Variants in FGFR2 observed in about 807,000 individuals in gnomAD.
FGFR2 encodes BEK fibroblast growth factor receptor.
FGFR2 carries 19 observed loss-of-function variants against 95.9 expected under a neutral mutation model. The observed-to-expected ratio is 0.20, with a 90% confidence interval of 0.14 to 0.29. The LOEUF (loss-of-function observed/expected upper bound fraction) is 0.29. Ranked by LOEUF, FGFR2 falls within the 10% of genes least tolerant of loss-of-function variation. The pLI, the probability that FGFR2 is intolerant of heterozygous loss-of-function variation, is 1.00. For missense variants in FGFR2, 707 were observed against 1,056.9 expected (o/e 0.67, Z 4.59); for synonymous variants, 392 against 393.3 (o/e 1.00, Z 0.04).
At position 121,538,641 on chromosome 10, in the gene FGFR2, C is replaced by T. The variant is rs748983200; in HGVS notation, c.699G>A (p.Val233=). ...GATTGATGGACCCGTATTCATTCTC[C>T]ACTACACAGGTATAATTTCCCTTGT... ...PSDKGNYTCV[V]ENEYGSINHT... The change falls in exon 6 of 18, where the codon GTG becomes GTA. Residue 233 remains valine (V), a synonymous_variant. Coordinates refer to ENST00000358487, the MANE Select transcript of FGFR2 (RefSeq NM_000141.5). The T allele has an allele frequency of 6.2e-7, 1 of 1,614,154 alleles. No individual in the cohort carries two copies. The highest frequency in any genetic ancestry group is 8.5e-7 in the Non-Finnish European group (1 of 1,180,010).
chr10:121,576,932 C>T (rs1014032391), intron 2 of FGFR2, among the ~76,000 whole-genome samples: 8 of 150,702 alleles, frequency 5.3e-5, no homozygotes, highest in African/African-American at 2.0e-4. Flanking sequence ...GTCAGGAGTT[C>T]GAGACCAGCC....
At chr10:121,556,396 A>ACTCTCTCACTCT (rs1856140867) in intron 4 of FGFR2, among the ~76,000 whole-genome samples, 1 of 128,140 alleles carries the variant, frequency 7.8e-6, no homozygotes, top group South Asian at 2.6e-4. Flanking sequence ...TTTATAATCT[A>ACTCTCTCACTCT]CTCTCTCTCT....
intron 6 of FGFR2, among the ~76,000 whole-genome samples, chr10:121,537,479 A>C (rs1853019671): frequency 6.6e-6 from 1 of 152,212 alleles, no homozygotes; most frequent in Non-Finnish European, 1.5e-5. Context: ...CTTTTTGGGC[A>C]ATTCCAATAT....
At chr10:121,551,948 T>G (rs1051604180) in intron 4 of FGFR2, among the ~76,000 whole-genome samples, 1 of 152,112 alleles carries the variant, frequency 6.6e-6, no homozygotes, top group Non-Finnish European at 1.5e-5. Flanking sequence ...ATAGTATAAA[T>G]TGTCATTCTA....
chr10:121,481,274 A>G (rs566033335), intron 17 of FGFR2, among the ~76,000 whole-genome samples: 1 of 152,248 alleles, frequency 6.6e-6, no homozygotes, highest in African/African-American at 2.4e-5. Flanking sequence ...GCCAACAACT[A>G]TTCTATGACA....
In FGFR2 at chr10:121,565,664, G is replaced by A. The variant is rs376622125; in HGVS notation, c.150C>T (p.Tyr50=). The A allele has an allele frequency of 1.8e-5, 29 of 1,614,208 alleles. No homozygotes were observed. Among genetic ancestry groups the A allele is most frequent in the African/African-American group, 2.7e-5 (2 of 75,052 alleles). ...TKYQISQPEV[Y]VAAPGESLEV... ...CTAGCGACTCCCCTGGCGCAGCCAC[G>A]TACACTTCTGGTTGAGAGATTTGGT... The change falls in exon 3 of 18, where the codon TAC becomes TAT. Residue 50 remains tyrosine, a synonymous_variant. Coordinates refer to ENST00000358487, the MANE Select transcript of FGFR2 (RefSeq NM_000141.5).
chr10:121,572,726 C>A (rs576259100), intron 2 of FGFR2, among the ~76,000 whole-genome samples: 2 of 152,186 alleles, frequency 1.3e-5, no homozygotes, highest in Admixed American at 1.3e-4. Context: ...CCTAAGAAAA[C>A]CATCCTGTTA....
intron 4 of FGFR2, among the ~76,000 whole-genome samples, chr10:121,555,106 G>GCTCC (rs977749473): frequency 6.6e-6 from 1 of 152,178 alleles, no homozygotes; most frequent in African/African-American, 2.4e-5. Context: ...AGGCGCGGTG[G>GCTCC]CTCACGCCTG....
At chr10:121,584,980 C>T (rs1022971655) in intron 2 of FGFR2, among the ~76,000 whole-genome samples, 2 of 151,852 alleles carry the variant, frequency 1.3e-5, no homozygotes, top group African/African-American at 4.8e-5. Flanking sequence ...CGCACCCCAC[C>T]CCAACCGATT....
At chr10:121,532,538 C>T (rs528867474) in intron 6 of FGFR2, among the ~76,000 whole-genome samples, 2 of 152,334 alleles carry the variant, frequency 1.3e-5, no homozygotes, top group South Asian at 4.1e-4. Context: ...TTAACCACTA[C>T]TTTGTTCCCA....
chr10:121,551,500 G>A (rs2134846735), intron 4 of FGFR2, 41 bp from the exon 5 acceptor site: 2 of 1,589,274 alleles, frequency 1.3e-6, no homozygotes, highest in Non-Finnish European at 1.7e-6. Flanking sequence ...CTGATGGACA[G>A]CTTCCCCTCC....
At chr10:121,482,137 A>G in intron 17 of FGFR2, 2 of 1,610,660 alleles carry the variant, frequency 1.2e-6, no homozygotes, top group Non-Finnish European at 1.7e-6. Flanking sequence ...GCGCCTGACC[A>G]ACTTTTCCCA....
At chr10:121,528,577 C>T (rs893238747) in intron 6 of FGFR2, among the ~76,000 whole-genome samples, 58 of 152,120 alleles carry the variant, frequency 3.8e-4, no homozygotes, top group African/African-American at 1.1e-3. Flanking sequence ...TAGGGCGGTT[C>T]GAGCAGAAGT....
rs1589714819 is a variant in FGFR2 at position 121,485,611 on chromosome 10, A to G, written c.2058-79T>C. The G allele has an allele frequency of 6.3e-6, 10 of 1,587,622 alleles. No individual in the cohort carries two copies. The highest frequency in any genetic ancestry group is 8.6e-6 in the Non-Finnish European group (10 of 1,159,442). ...CTAAACACGCCCAGCTGAGACATAA[A>G]CACCTCCTCACTTCTGAAGTTCAAA... On this transcript the variant is annotated intron_variant, in intron 15 of 17. Transcript: ENST00000358487. The surrounding 1 kb of genome is among the most constrained non-coding windows in gnomAD (Gnocchi z 4.2).
intron 13 of FGFR2, among the ~76,000 whole-genome samples, chr10:121,489,159 G>A (rs376406050): frequency 4.1e-4 from 63 of 152,118 alleles, no homozygotes; most frequent in African/African-American, 1.3e-3. Context: ...CGCAACCTCC[G>A]CCTCCTGGGT....
At chr10:121,501,102 G>C (rs1847552575) in intron 10 of FGFR2, among the ~76,000 whole-genome samples, 155 bp from the exon 11 acceptor site, 1 of 152,198 alleles carries the variant, frequency 6.6e-6, no homozygotes, top group South Asian at 2.1e-4. Context: ...ACACGCGCCT[G>C]AGTATTTTCC....
chr10:121,553,154 T>C (rs992141728), intron 4 of FGFR2, among the ~76,000 whole-genome samples: 7 of 152,224 alleles, frequency 4.6e-5, no homozygotes, highest in Non-Finnish European at 1.0e-4. Flanking sequence ...TCTTTATCCC[T>C]GTGCTTATCT....
At chr10:121,528,767 C>CCCA (rs770838949) in intron 6 of FGFR2, among the ~76,000 whole-genome samples, 12 of 152,312 alleles carry the variant, frequency 7.9e-5, no homozygotes, top group Non-Finnish European at 1.3e-4. Context: ...AAAATAGTCA[C>CCCA]CCAGATCACA....
At chr10:121,524,038 T>A (rs952901810) in intron 6 of FGFR2, among the ~76,000 whole-genome samples, 1 of 151,760 alleles carries the variant, frequency 6.6e-6, no homozygotes, top group South Asian at 2.1e-4. Flanking sequence ...CTTGTTTTCC[T>A]TGTGGTCAAA....
Sources: gnomAD v4.1 joint callset for allele counts (sites outside exome capture counted in the v4.1 genomes callset) on GRCh38, gnomAD v4.1.1 for gene constraint, Gnocchi (gnomAD v3.1) non-coding constraint, MANE v1.5 for transcripts, NCBI Gene and HGNC (gene_info 2026-07-23, HGNC 2026-07-21) for gene names.